Variants in S100PBP observed in about 807,000 individuals in gnomAD.
S100PBP encodes S100P binding protein.
In S100PBP, 15 loss-of-function variants were observed where a neutral mutation model predicts 39.9. The observed-to-expected ratio is 0.38, with a 90% CI of 0.25 to 0.58. S100PBP has a LOEUF of 0.58. Ranked by LOEUF, S100PBP falls within the 20% of genes least tolerant of loss-of-function variation. The pLI is 0.70. For synonymous variants in S100PBP, 178 were observed against 180.3 expected (o/e 0.99, Z 0.10); for missense variants, 504 against 487.3 (o/e 1.03, Z -0.32).
intron 5 of S100PBP, chr1:32,836,705 A>G: frequency 2.3e-6 from 1 of 442,058 alleles, no homozygotes; most frequent in Non-Finnish European, 3.0e-6. Flanking sequence ...CCTGCAACAG[A>G]GCTGTCATCC....
At chr1:32,837,823 C>A (rs528378594) in intron 5 of S100PBP, among the ~76,000 whole-genome samples, 2 of 151,880 alleles carry the variant, frequency 1.3e-5, no homozygotes, top group Non-Finnish European at 2.9e-5. Flanking sequence ...ATGTTTATTT[C>A]TTTTTATTGC....
chr1:32,840,551 T>G (rs1473619710), intron 5 of S100PBP, among the ~76,000 whole-genome samples: 1 of 151,548 alleles, frequency 6.6e-6, no homozygotes, highest in Non-Finnish European at 1.5e-5. Context: ...GAGACAGGGT[T>G]TTGCCATGTT....
intron 5 of S100PBP, among the ~76,000 whole-genome samples, chr1:32,838,363 A>G (rs960256044): frequency 6.6e-6 from 1 of 151,542 alleles, no homozygotes; most frequent in Non-Finnish European, 1.5e-5. Flanking sequence ...AGAAAAGAAA[A>G]GAAACTGCCA....
intron 4 of S100PBP, among the ~76,000 whole-genome samples, chr1:32,828,705 A>C (rs1639453988): frequency 6.6e-6 from 1 of 152,226 alleles, no homozygotes; most frequent in Admixed American, 6.5e-5. Context: ...AATTTTGCTT[A>C]AAAAATTTAA....
rs1639237112 is a variant in S100PBP at position 32,824,585 on chromosome 1, CAG to C, written c.-119-727_-119-726del. Among the ~76,000 whole-genome samples the C allele has an allele frequency of 2.7e-5, 4 of 149,434 alleles. No homozygotes were observed. In the South Asian group the frequency reaches 8.4e-4, roughly 31 times the overall value. ...TATCTTTTTTTTTTTTCTTTTGAGACAGGGTCTTGCTCTGTCACCCTGGCTGG... is the reference window on the plus strand; with the variant it reads ...TATCTTTTTTTTTTTTCTTTTGAGACGGTCTTGCTCTGTCACCCTGGCTGG... On this transcript the variant is annotated intron_variant, in intron 1 of 6. Transcript: ENST00000373475.
At chr1:32,848,175 C>T (rs6672151) in intron 5 of S100PBP, among the ~76,000 whole-genome samples, 1,878 of 152,092 alleles carry the variant, frequency 0.012, 12 homozygotes, top group Middle Eastern at 0.034. Context: ...AGTATGGTGG[C>T]GGGCACCTGT....
chr1:32,832,041 T>C lies in S100PBP; in HGVS notation c.1024+1974T>C, dbSNP rs1328187847. On this transcript the variant is annotated intron_variant, in intron 5 of 6. Transcript: ENST00000373475. Reference sequence around the variant, plus strand: ...ACTATAGTGAATAGGCAGCATACTTTAGTGGTTGAGAGAGTAAAGTCTAGT... The same window carrying C: ...ACTATAGTGAATAGGCAGCATACTTCAGTGGTTGAGAGAGTAAAGTCTAGT... Among the ~76,000 whole-genome samples the C allele has an allele frequency of 7.2e-5, 11 of 152,356 alleles. No individual in the cohort carries two copies. In the East Asian group the frequency reaches 9.6e-4, roughly 13 times the overall value.
intron 1 of S100PBP, chr1:32,824,959 C>T (rs1639260295): frequency 6.6e-6 from 1 of 151,792 alleles, no homozygotes. Context: ...GGAAACAAGT[C>T]TAAATGGTCA....
intron 6 of S100PBP, among the ~76,000 whole-genome samples, chr1:32,853,470 A>T (rs1290302061): frequency 2.1e-5 from 2 of 95,496 alleles, no homozygotes; most frequent in African/African-American, 4.1e-5. Flanking sequence ...GACTCCGTCT[A>T]AAAAAAAAAA....
At position 32,853,085 on chromosome 1, in the gene S100PBP, C is replaced by T. The variant is rs371051225; in HGVS notation, c.1031C>T (p.Ser344Leu). ...TGATCCCTCTGTATCACAGGTATCT[C>T]GGGGGAGCTTTGTGCCTTGATGGAT... ...EDPEDTNQGI[S>L]GELCALMDQV... Residue 344 changes from serine to leucine, a missense_variant, in exon 6 of 7, where the codon TCG becomes TTG. Physicochemically the swap from Ser to Leu is moderately radical, Grantham distance 145. Transcript: ENST00000373475. 4.3e-6 allele frequency: 7 copies of T among 1,612,230 alleles called. No individual in the cohort carries two copies. In the Admixed American group the frequency reaches 5.0e-5, roughly 12 times the overall value.
chr1:32,844,975 C>A (rs1222007898), intron 5 of S100PBP, among the ~76,000 whole-genome samples: 2 of 150,398 alleles, frequency 1.3e-5, no homozygotes, highest in South Asian at 2.1e-4. Context: ...ACTACAGGCA[C>A]CCCCCACCAT....
intron 1 of S100PBP, among the ~76,000 whole-genome samples, chr1:32,819,097 T>G (rs1364033128): frequency 6.6e-6 from 1 of 151,832 alleles, no homozygotes; most frequent in African/African-American, 2.4e-5. Context: ...GGAACCAGTT[T>G]CTGAGGTTGC....
chr1:32,832,379 G>A (rs1023142993), intron 5 of S100PBP, among the ~76,000 whole-genome samples: 1 of 152,066 alleles, frequency 6.6e-6, no homozygotes, highest in Non-Finnish European at 1.5e-5. Context: ...GATAAATGAA[G>A]GTGAGTGGTG....
chr1:32,848,854 C>A (rs1217666163), intron 5 of S100PBP, among the ~76,000 whole-genome samples: 1 of 152,096 alleles, frequency 6.6e-6, no homozygotes. Flanking sequence ...TTTTTCCCTC[C>A]TTTATTTCAT....
At chr1:32,821,970 G>T (rs1639089122) in intron 1 of S100PBP, among the ~76,000 whole-genome samples, 2 of 152,050 alleles carry the variant, frequency 1.3e-5, no homozygotes, top group African/African-American at 4.8e-5. Flanking sequence ...AGGGGGAAAA[G>T]ATCTGAAATT....
chr1:32,828,192 T>C, intron 4 of S100PBP, 111 bp downstream of exon 4: 1 of 629,028 alleles, frequency 1.6e-6, no homozygotes, highest in South Asian at 2.1e-5. Flanking sequence ...ACTCCAGGAG[T>C]AAGCAAACTT....
chr1:32,819,819 A>G (rs1265877832), intron 1 of S100PBP, among the ~76,000 whole-genome samples: 1 of 152,154 alleles, frequency 6.6e-6, no homozygotes, highest in Admixed American at 6.5e-5. Context: ...TACTTTCATA[A>G]ACATCCTATT....
intron 5 of S100PBP, among the ~76,000 whole-genome samples, chr1:32,840,323 A>G (rs1359415318): frequency 6.6e-6 from 1 of 150,984 alleles, no homozygotes; most frequent in Non-Finnish European, 1.5e-5. Flanking sequence ...GTGTTTTACC[A>G]TGCCACCGCA....
chr1:32,826,272 T>A lies in S100PBP; in HGVS notation c.173T>A (p.Ile58Asn). ...GATGTAAATTACACAGAGGAAGAGATTGATGCACTGTTGAAGGAAGATGAC... is the reference window on the plus strand; with the variant it reads ...GATGTAAATTACACAGAGGAAGAGAATGATGCACTGTTGAAGGAAGATGAC... ...DGDVNYTEEEIDALLKEDDPS... is the reference protein window; with the variant it reads ...DGDVNYTEEENDALLKEDDPS... The change falls in exon 3 of 7, where the codon ATT becomes AAT. Residue 58 changes from isoleucine (I) to asparagine (N), a missense_variant. Transcript: ENST00000373475. 1 of 1,614,024 alleles carries A rather than the reference T, an allele frequency of 6.2e-7. No individual in the cohort carries two copies. Among genetic ancestry groups the A allele is most frequent in the Middle Eastern group, 1.6e-4 (1 of 6,062 alleles).
Sources: gnomAD v4.1 joint callset for allele counts (sites outside exome capture counted in the v4.1 genomes callset) on GRCh38, gnomAD v4.1.1 for gene constraint, MANE v1.5 for transcripts, NCBI Gene and HGNC (gene_info 2026-07-23, HGNC 2026-07-21) for gene names.